RASGEF1C: variants seen among roughly 807,000 people sequenced by gnomAD.
The protein encoded by RASGEF1C is RasGEF domain family member 1C.
A neutral mutation model predicts 58.1 loss-of-function variants in RASGEF1C; 27 were observed. The observed-to-expected ratio is 0.46, with a 90% CI of 0.34 to 0.64. The LOEUF is 0.64. Ranked by LOEUF, RASGEF1C falls within the 30% of genes least tolerant of loss-of-function variation. RASGEF1C has a pLI of 0.01. For synonymous variants in RASGEF1C, 243 were observed against 246.3 expected (o/e 0.99, Z 0.13); for missense variants, 502 against 605.1 (o/e 0.83, Z 1.79).
rs958220445 is a variant in RASGEF1C, at chr5:180,168,762, G to A, written c.-6-30704C>T. On this transcript the variant is annotated intron_variant, in intron 1 of 13. Transcript: ENST00000361132. The surrounding 1 kb of genome is among the most constrained non-coding windows in gnomAD (Gnocchi z 6.0). ...CAATGCTCCCATGGGATTACTTGTGGGCTGGGGTATGAGAGAGCAAAGATT... is the reference window on the plus strand; with the variant it reads ...CAATGCTCCCATGGGATTACTTGTGAGCTGGGGTATGAGAGAGCAAAGATT... Among the ~76,000 whole-genome samples the A allele has an allele frequency of 1.1e-4, 17 of 152,298 alleles. No homozygotes were observed. The highest frequency in any genetic ancestry group is 2.1e-4 in the South Asian group (1 of 4,828).
intron 4 of RASGEF1C, among the ~76,000 whole-genome samples, chr5:180,133,779 C>G (rs1265393216): frequency 6.6e-6 from 1 of 151,908 alleles, no homozygotes; most frequent in Non-Finnish European, 1.5e-5. Context: ...CCATTCTTCA[C>G]TTTTGTATGT....
intron 1 of RASGEF1C, among the ~76,000 whole-genome samples, chr5:180,173,937 A>AC (rs1554114659): frequency 2.6e-5 from 4 of 151,158 alleles, no homozygotes; most frequent in African/African-American, 9.7e-5. Flanking sequence ...AAAAAAAAAA[A>AC]CCTGCGCAAT....
At chr5:180,163,252 T>TTTTTTTTTTTTTTTTTTTTTAG (rs1766972601) in intron 1 of RASGEF1C, among the ~76,000 whole-genome samples, 1 of 80,960 alleles carries the variant, frequency 1.2e-5, no homozygotes, top group Non-Finnish European at 2.2e-5. Flanking sequence ...TTTTTTTTTT[T>TTTTTTTTTTTTTTTTTTTTTAG]CCAGCCTATT....
chr5:180,177,965 CT>C lies in RASGEF1C; in HGVS notation c.-7+31062del, dbSNP rs947840974. 9.5e-3 allele frequency among the ~76,000 whole-genome samples: 1,357 copies of C among 143,058 alleles called. 17 individuals are homozygous for C. The highest frequency in any genetic ancestry group is 0.027 in the African/African-American group (1,066 of 39,298). The allele number at this position is 143,058 out of a possible 152,430, so 93.9% of individuals were successfully genotyped here. On this transcript the variant is annotated intron_variant, in intron 1 of 13. Coordinates refer to ENST00000361132, the MANE Select transcript of RASGEF1C (RefSeq NM_175062.4). The surrounding 1 kb of genome is among the most constrained non-coding windows in gnomAD (Gnocchi z 5.0). ...AGCCATGCCTGAAGCCCACCTTGGG[CT>C]TTTTTTTTTTTTCTTTTTGAGGTGG...
At chr5:180,196,966 G>A (rs111274391) in intron 1 of RASGEF1C, among the ~76,000 whole-genome samples, 12,597 of 152,270 alleles carry the variant, frequency 0.083, 701 homozygotes, top group South Asian at 0.13. Flanking sequence ...CAAAGAGCCC[G>A]AGGGTTCCCA....
chr5:180,190,639 G>A (rs1756147557), intron 1 of RASGEF1C, among the ~76,000 whole-genome samples: 2 of 151,242 alleles, frequency 1.3e-5, no homozygotes, highest in South Asian at 4.2e-4. Flanking sequence ...CTGCTCTCCA[G>A]CCTAGGTGAC....
chr5:180,145,367 C>T (rs1039898963), intron 1 of RASGEF1C, among the ~76,000 whole-genome samples: 17 of 152,146 alleles, frequency 1.1e-4, no homozygotes, highest in Non-Finnish European at 2.1e-4. Flanking sequence ...GTGATCTGCC[C>T]GCCTCAGCCT....
chr5:180,192,286 G>C lies in RASGEF1C; in HGVS notation c.-7+16742C>G, dbSNP rs576882427. The stretch of plus-strand genomic sequence containing the variant: ...ACAATGGAAACACAGCTCAGCAATG[G>C]ACAGGAAGAAGAAGCTCCTGACACC... On this transcript the variant is annotated intron_variant, in intron 1 of 13. Transcript: ENST00000361132. 2.7e-3 allele frequency among the ~76,000 whole-genome samples: 410 copies of C among 152,270 alleles called. 3 individuals are homozygous for C. Among genetic ancestry groups the C allele is most frequent in the African/African-American group, 8.9e-3 (369 of 41,536 alleles).
intron 4 of RASGEF1C, among the ~76,000 whole-genome samples, chr5:180,134,859 CCTGT>C (rs1204700344): frequency 2.8e-5 from 4 of 140,520 alleles, no homozygotes; most frequent in Non-Finnish European, 4.6e-5. Flanking sequence ...CACCCACCCA[CCTGT>C]CCACCCTTCC....
chr5:180,164,716 G>A (rs372989753), intron 1 of RASGEF1C, among the ~76,000 whole-genome samples: 20 of 152,256 alleles, frequency 1.3e-4, no homozygotes, highest in Admixed American at 4.6e-4. Flanking sequence ...TCCAAGATAC[G>A]GTTTTGGTGA....
chr5:180,173,341 C>T (rs1244745183), intron 1 of RASGEF1C, among the ~76,000 whole-genome samples: 1 of 152,190 alleles, frequency 6.6e-6, no homozygotes, highest in African/African-American at 2.4e-5. Flanking sequence ...TCCCTCTGCC[C>T]CACCTAAGCC....
rs200724274 is a variant in RASGEF1C, at chr5:180,111,628, G to A, written c.1180-48C>T. On this transcript the variant is annotated intron_variant, in intron 11 of 13. Coordinates refer to ENST00000361132, the MANE Select transcript of RASGEF1C (RefSeq NM_175062.4). ...GAATGGAGGCACTCCAGTGCCTGGAGGTCCCCATGAGGGGGAGGGGCTGGT... is the reference window on the plus strand; with the variant it reads ...GAATGGAGGCACTCCAGTGCCTGGAAGTCCCCATGAGGGGGAGGGGCTGGT... 9 of 1,611,174 alleles carry A rather than the reference G, an allele frequency of 5.6e-6. No homozygotes were observed. The East Asian group carries it at 1.8e-4, about 32-fold the overall frequency.
rs566007186 is a variant in RASGEF1C, at chr5:180,175,099, C to A, written c.-7+33929G>T. ...CTGCCCAGGGCTCCACACCAGGGAC[C>A]CAGCCGCCATCCTGGAAGACACTCC... On this transcript the variant is annotated intron_variant, in intron 1 of 13. Coordinates refer to ENST00000361132, the MANE Select transcript of RASGEF1C (RefSeq NM_175062.4). Among the ~76,000 whole-genome samples, 64 of 152,100 alleles carry A rather than the reference C, an allele frequency of 4.2e-4. 1 individual carries two copies. Among genetic ancestry groups the A allele is most frequent in the African/African-American group, 1.4e-3 (59 of 41,412 alleles).
At chr5:180,185,149 G>A (rs540952730) in intron 1 of RASGEF1C, among the ~76,000 whole-genome samples, 14 of 152,048 alleles carry the variant, frequency 9.2e-5, no homozygotes, top group Admixed American at 3.9e-4. Flanking sequence ...AAAATTAGCC[G>A]GGTGTAGTGG....
intron 1 of RASGEF1C, among the ~76,000 whole-genome samples, chr5:180,185,322 C>T (rs548775743): frequency 5.3e-5 from 8 of 151,740 alleles, no homozygotes; most frequent in East Asian, 3.9e-4. Context: ...CAGTGGCTCA[C>T]GCCTGTAATC....
At chr5:180,134,823 T>C in intron 4 of RASGEF1C, among the ~76,000 whole-genome samples, 1 of 4,206 alleles carries the variant, frequency 2.4e-4, no homozygotes, top group Non-Finnish European at 1.3e-3. Context: ...CTACCCTTGC[T>C]TCCTCCTTTC....
chr5:180,102,936 G>A (rs1765814012), intron 12 of RASGEF1C, among the ~76,000 whole-genome samples: 1 of 152,202 alleles, frequency 6.6e-6, no homozygotes, highest in African/African-American at 2.4e-5. Flanking sequence ...CTTACAAAGA[G>A]TCTTGCTGGG....
At chr5:180,101,918 G>A (rs7724876) in intron 13 of RASGEF1C, among the ~76,000 whole-genome samples, 153 bp downstream of exon 13, 59,530 of 151,982 alleles carry the variant, frequency 0.39, 13,043 homozygotes, top group South Asian at 0.61. Flanking sequence ...GGCTGCTGAG[G>A]CTCCCAGGAG....
At chr5:180,204,706 G>A (rs1255328940) in intron 1 of RASGEF1C, among the ~76,000 whole-genome samples, 1 of 151,790 alleles carries the variant, frequency 6.6e-6, no homozygotes, top group African/African-American at 2.4e-5. Flanking sequence ...TTTCTTAATA[G>A]GGGAAGTATT....
Sources: gnomAD v4.1 joint callset for allele counts (sites outside exome capture counted in the v4.1 genomes callset) on GRCh38, gnomAD v4.1.1 for gene constraint, Gnocchi (gnomAD v3.1) non-coding constraint, MANE v1.5 for transcripts, NCBI Gene and HGNC (gene_info 2026-07-23, HGNC 2026-07-21) for gene names.